TFDP1: variants seen among roughly 807,000 people sequenced by gnomAD.
TFDP1 encodes the protein DRTF1-polypeptide 1.
TFDP1 carries 6 observed loss-of-function variants against 48.0 expected under a neutral mutation model. That is an observed-to-expected ratio of 0.13 (90% confidence interval 0.07 to 0.25). TFDP1 has a LOEUF of 0.25. Ranked by LOEUF, TFDP1 falls within the 10% of genes least tolerant of loss-of-function variation. The pLI, the probability that TFDP1 is intolerant of heterozygous loss-of-function variation, is 1.00. For missense variants in TFDP1, 335 were observed against 543.0 expected, an observed-to-expected ratio of 0.62 and a Z score of 3.81; for synonymous variants, 201 against 211.6, an observed-to-expected ratio of 0.95 and a Z score of 0.44.
chr13:113,630,608 C>T (rs561176403), intron 4 of TFDP1, among the ~76,000 whole-genome samples: 11 of 152,288 alleles, frequency 7.2e-5, no homozygotes, highest in African/African-American at 2.2e-4. Context: ...GCAGTATAAT[C>T]GCTGAGGCAC....
chr13:113,631,021 G>T (rs915978549), intron 4 of TFDP1, among the ~76,000 whole-genome samples: 3 of 152,194 alleles, frequency 2.0e-5, no homozygotes, highest in Admixed American at 2.0e-4. Context: ...GGGTGCAGGG[G>T]TTCCCCCAGA....
intron 2 of TFDP1, among the ~76,000 whole-genome samples, chr13:113,601,557 C>G (rs9324251): frequency 0.013 from 1,931 of 152,304 alleles, 39 homozygotes; most frequent in African/African-American, 0.044. Flanking sequence ...CCTGCAGGGC[C>G]AGGGCACTGG....
chr13:113,634,020 G>T lies in TFDP1; in HGVS notation c.605G>T (p.Cys202Phe). 4 of 1,614,202 alleles carry T rather than the reference G, an allele frequency of 2.5e-6. No homozygotes were observed. The highest frequency in any genetic ancestry group is 3.4e-6 in the Non-Finnish European group (4 of 1,180,044). The change falls in exon 7 of 12, where the codon TGT (cysteine) becomes TTT (phenylalanine). Residue 202 changes from cysteine to phenylalanine, a missense_variant. Physicochemically the swap from Cys to Phe is radical, Grantham distance 205 (BLOSUM62 -2). Transcript: ENST00000375370. ...IGLPTNSAQE[C>F]QNLEVERQRR... ...CTGCCCACCAACTCGGCTCAGGAAT[G>T]TCAGAACTTAGAGGTGCCCCTTCAG...
intron 3 of TFDP1, among the ~76,000 whole-genome samples, chr13:113,614,224 G>T (rs1485821727): frequency 8.6e-5 from 13 of 151,774 alleles, no homozygotes; most frequent in African/African-American, 3.1e-4. Flanking sequence ...TATGATGTGT[G>T]TGCGTGTGTG....
intron 8 of TFDP1, among the ~76,000 whole-genome samples, chr13:113,635,282 G>T (rs1330830259): frequency 6.6e-6 from 1 of 152,226 alleles, no homozygotes; most frequent in Admixed American, 6.5e-5. Context: ...TCCCAGAGGG[G>T]ACGGTGTGGC....
At chr13:113,631,452 C>T (rs4150774) in intron 4 of TFDP1, among the ~76,000 whole-genome samples, 171 bp from the exon 5 acceptor site, 2,218 of 152,214 alleles carry the variant, frequency 0.015, 50 homozygotes, top group African/African-American at 0.051. Flanking sequence ...GGGGTGATGC[C>T]GTCACCGTGA....
chr13:113,611,648 G>A (rs1009798992), intron 3 of TFDP1, among the ~76,000 whole-genome samples: 6 of 152,226 alleles, frequency 3.9e-5, no homozygotes, highest in East Asian at 3.8e-4. Flanking sequence ...TGTGGTTTAC[G>A]TTCGTGAAGG....
intron 2 of TFDP1, among the ~76,000 whole-genome samples, chr13:113,594,818 A>G (rs74116248): frequency 0.084 from 12,768 of 152,316 alleles, 1,559 homozygotes; most frequent in African/African-American, 0.27. Context: ...AAAAAAGTTC[A>G]AGTAATATTT....
intron 3 of TFDP1, 68 bp downstream of exon 3, chr13:113,611,130 C>A (rs2048698938): frequency 1.4e-6 from 2 of 1,423,062 alleles, no homozygotes; most frequent in Non-Finnish European, 2.0e-6. Context: ...GTTTATGAAG[C>A]TGTTGACGCT....
At chr13:113,614,286 C>T (rs993811505) in intron 3 of TFDP1, among the ~76,000 whole-genome samples, 1 of 152,028 alleles carries the variant, frequency 6.6e-6, no homozygotes, top group African/African-American at 2.4e-5. Flanking sequence ...TGTGTGTAAG[C>T]GTGCAGTCCT....
rs192993644 is a variant in TFDP1, at chr13:113,638,401, T to G, written c.1085+505T>G. On this transcript the variant is annotated intron_variant, in intron 11 of 11. Transcript: ENST00000375370. ...GCATCTATGGTCATAGCGCATGTAT[T>G]TTTCAGAACGTCTGCCATCACGGCG... Among the ~76,000 whole-genome samples, 46 of 152,312 alleles carry G rather than the reference T, an allele frequency of 3.0e-4. 1 individual carries two copies. The highest frequency in any genetic ancestry group is 1.1e-3 in the African/African-American group (44 of 41,554).
intron 2 of TFDP1, among the ~76,000 whole-genome samples, chr13:113,591,009 C>CAAAAAA (rs71101595): frequency 2.8e-3 from 165 of 58,370 alleles, no homozygotes; most frequent in East Asian, 5.0e-3. Flanking sequence ...GACTCTGTCT[C>CAAAAAA]AAAAAAAAAA....
At position 113,623,140 on chromosome 13, in the gene TFDP1, A is replaced by G; in HGVS notation, c.80-40A>G. Reference sequence around the variant, plus strand: ...TGGTCGCTTGTAGCCTTAACTTAGAAAAGGAGTCTCGCCCTTGACCTGGTG... The same window carrying G: ...TGGTCGCTTGTAGCCTTAACTTAGAGAAGGAGTCTCGCCCTTGACCTGGTG... On this transcript the variant is annotated intron_variant, in intron 3 of 11. Coordinates refer to ENST00000375370, the MANE Select transcript of TFDP1 (RefSeq NM_007111.5). This position sits in a 1 kb window ranked among gnomAD's most constrained non-coding sequence, Gnocchi z 5.2. 1 of 1,566,496 alleles carries G rather than the reference A, an allele frequency of 6.4e-7. No homozygotes were observed. Among genetic ancestry groups the G allele is most frequent in the Non-Finnish European group, 8.7e-7 (1 of 1,146,440 alleles).
chr13:113,601,839 G>A (rs964968387), intron 2 of TFDP1, among the ~76,000 whole-genome samples: 16 of 151,950 alleles, frequency 1.1e-4, no homozygotes, highest in African/African-American at 1.5e-4. Flanking sequence ...AGGGAGGAGC[G>A]GATGGAGTTA....
rs4150704 is a variant in TFDP1, at chr13:113,598,603, C to T, written c.13-12393C>T. On this transcript the variant is annotated intron_variant, in intron 2 of 11. Coordinates refer to ENST00000375370, the MANE Select transcript of TFDP1 (RefSeq NM_007111.5). The surrounding 1 kb of genome is among the most constrained non-coding windows in gnomAD (Gnocchi z 4.2). ...CCCATTGTGTATGAACTTACCTCCTCGCTCTTCAGCTTCCCCTGCCTGATG... is the reference window on the plus strand; with the variant it reads ...CCCATTGTGTATGAACTTACCTCCTTGCTCTTCAGCTTCCCCTGCCTGATG... Among the ~76,000 whole-genome samples the T allele has an allele frequency of 4.2e-3, 640 of 152,342 alleles. 5 individuals are homozygous for T. Among genetic ancestry groups the T allele is most frequent in the African/African-American group, 0.014 (599 of 41,578 alleles).
chr13:113,587,176 G>A (rs1216656301), intron 2 of TFDP1, among the ~76,000 whole-genome samples: 1 of 152,134 alleles, frequency 6.6e-6, no homozygotes, highest in Non-Finnish European at 1.5e-5. Flanking sequence ...TGAGCAGCAT[G>A]TAGTGTGAGG....
Position 113,626,000 on chromosome 13 carries a change from C to T in TFDP1, c.186+2714C>T, listed in dbSNP as rs571589430. Among the ~76,000 whole-genome samples the T allele has an allele frequency of 4.0e-5, 6 of 148,312 alleles. No homozygotes were observed. The South Asian group carries it at 6.5e-4, about 16-fold the overall frequency. ...GTGTCCTCAGGTGTCTCTCACGTGT[C>T]CTCAGGTGTCTCTCACGTGTCCTCA... is the stretch of plus-strand genomic sequence containing the variant. On this transcript the variant is annotated intron_variant, in intron 4 of 11. Coordinates refer to ENST00000375370, the MANE Select transcript of TFDP1 (RefSeq NM_007111.5).
intron 10 of TFDP1, 149 bp downstream of exon 10, chr13:113,636,849 G>A (rs1313537454): frequency 6.9e-6 from 7 of 1,016,050 alleles, no homozygotes; most frequent in African/African-American, 1.6e-5. Flanking sequence ...GGCTGTGAGG[G>A]GGATGAGGGC....
chr13:113,607,811 A>T lies in TFDP1; in HGVS notation c.13-3185A>T, dbSNP rs974482836. Reference sequence around the variant, plus strand: ...GACCTGGGTTTCCTGGGTGTGGGCTACTCAGGGATTGCTGAGTTCCCATCC... The same window carrying T: ...GACCTGGGTTTCCTGGGTGTGGGCTTCTCAGGGATTGCTGAGTTCCCATCC... On this transcript the variant is annotated intron_variant, in intron 2 of 11. Coordinates refer to ENST00000375370, the MANE Select transcript of TFDP1 (RefSeq NM_007111.5). The surrounding 1 kb of genome is among the most constrained non-coding windows in gnomAD (Gnocchi z 5.2). 6.6e-5 allele frequency among the ~76,000 whole-genome samples: 10 copies of T among 152,012 alleles called. No homozygotes were observed. Among genetic ancestry groups the T allele is most frequent in the African/African-American group, 2.4e-4 (10 of 41,380 alleles).
Sources: allele counts gnomAD v4.1 joint callset (sites outside exome capture counted in the v4.1 genomes callset), GRCh38; gene constraint gnomAD v4.1.1; non-coding constraint Gnocchi (gnomAD v3.1); transcripts MANE v1.5; gene names NCBI Gene and HGNC (gene_info 2026-07-23, HGNC 2026-07-21).